BRINP3: variants seen among roughly 807,000 people sequenced by gnomAD.
The protein encoded by BRINP3 is BMP/retinoic acid inducible neural specific 3, also known as BMP/retinoic acid-inducible neural-specific protein 3.
BRINP3 carries 19 observed loss-of-function variants against 71.0 expected under a neutral mutation model. The ratio of observed to expected loss-of-function variants is 0.27; its 90% CI spans 0.19 to 0.39. The LOEUF (loss-of-function observed/expected upper bound fraction) is 0.39, where lower values mean the gene tolerates loss of function less well. Ranked by LOEUF, BRINP3 falls within the 10% of genes least tolerant of loss-of-function variation. The pLI, the probability that BRINP3 is intolerant of heterozygous loss-of-function variation, is 1.00. For missense variants in BRINP3, 959 were observed against 940.8 expected (o/e 1.02, Z -0.25); for synonymous variants, 380 against 337.7 (o/e 1.13, Z -1.37).
At chr1:190,380,308 A>C (rs2102242816) in intron 2 of BRINP3, among the ~76,000 whole-genome samples, 1 of 152,254 alleles carries the variant, frequency 6.6e-6, no homozygotes, top group South Asian at 2.1e-4. Flanking sequence ...AAAGTGCGGA[A>C]GTCACTGAGT....
intron 2 of BRINP3, among the ~76,000 whole-genome samples, chr1:190,322,628 A>G (rs1042556527): frequency 1.3e-5 from 2 of 152,040 alleles, no homozygotes; most frequent in Non-Finnish European, 2.9e-5. Flanking sequence ...CGAGGACCAG[A>G]AATGGTTTGA....
At chr1:190,263,816 G>A (rs1356522806) in intron 4 of BRINP3, among the ~76,000 whole-genome samples, 2 of 151,928 alleles carry the variant, frequency 1.3e-5, no homozygotes, top group Non-Finnish European at 2.9e-5. Flanking sequence ...TCGATCTCCC[G>A]ACCTCAAGTG....
chr1:190,185,031 A>G (rs1235983377), intron 6 of BRINP3, among the ~76,000 whole-genome samples: 1 of 152,178 alleles, frequency 6.6e-6, no homozygotes, highest in African/African-American at 2.4e-5. Context: ...GAACTTCATG[A>G]CATTTGCCTT....
chr1:190,362,685 T>C (rs1330037380), intron 2 of BRINP3, among the ~76,000 whole-genome samples: 4 of 152,298 alleles, frequency 2.6e-5, no homozygotes, highest in South Asian at 4.1e-4. Context: ...CATAGTGTTC[T>C]CACAGTAGTG....
chr1:190,433,589 C>G (rs965039624), intron 2 of BRINP3, among the ~76,000 whole-genome samples: 1 of 152,028 alleles, frequency 6.6e-6, no homozygotes, highest in African/African-American at 2.4e-5. Flanking sequence ...CTTTTTAGAC[C>G]CATTTCTATT....
intron 6 of BRINP3, among the ~76,000 whole-genome samples, chr1:190,224,009 A>C (rs1414645277): frequency 1.3e-5 from 2 of 151,906 alleles, no homozygotes; most frequent in African/African-American, 4.8e-5. Context: ...AAATAATGTA[A>C]AGATATTTCA....
At chr1:190,193,025 G>A (rs1461498445) in intron 6 of BRINP3, among the ~76,000 whole-genome samples, 1 of 152,058 alleles carries the variant, frequency 6.6e-6, no homozygotes, top group African/African-American at 2.4e-5. Flanking sequence ...TGCAATATTT[G>A]TACAGAAAGT....
chr1:190,135,232 G>A (rs1654874415), intron 7 of BRINP3, among the ~76,000 whole-genome samples: 1 of 151,996 alleles, frequency 6.6e-6, no homozygotes, highest in African/African-American at 2.4e-5. Context: ...AACTAGTAAT[G>A]CTGCCATGAT....
chr1:190,225,976 A>G (rs1217364570), intron 6 of BRINP3, 106 bp downstream of exon 6: 2 of 767,480 alleles, frequency 2.6e-6, no homozygotes, highest in African/African-American at 3.6e-5. Flanking sequence ...TAAAAAAATG[A>G]AAATCTTTCC....
chr1:190,351,857 T>C (rs1004625308), intron 2 of BRINP3, among the ~76,000 whole-genome samples: 1 of 152,082 alleles, frequency 6.6e-6, no homozygotes, highest in Non-Finnish European at 1.5e-5. Flanking sequence ...TAAGTAATTT[T>C]TTGTAAAAAA....
chr1:190,241,810 A>G (rs1357733215), intron 4 of BRINP3, among the ~76,000 whole-genome samples: 2 of 151,802 alleles, frequency 1.3e-5, no homozygotes, highest in Non-Finnish European at 2.9e-5. Context: ...ATCTTTTAAA[A>G]TTACATATTG....
At chr1:190,173,306 C>T (rs1168868285) in intron 6 of BRINP3, among the ~76,000 whole-genome samples, 3 of 152,028 alleles carry the variant, frequency 2.0e-5, no homozygotes, top group Non-Finnish European at 4.4e-5. Flanking sequence ...AGAATCTGTA[C>T]GTGGGGGAAG....
chr1:190,309,469 G>A lies in BRINP3; in HGVS notation c.237-27719C>T, dbSNP rs1375267183. Among the ~76,000 whole-genome samples, 4 of 151,736 alleles carry A rather than the reference G, an allele frequency of 2.6e-5. No individual in the cohort carries two copies. In the East Asian group the frequency reaches 7.7e-4, roughly 29 times the overall value. On this transcript the variant is annotated intron_variant, in intron 2 of 7. Coordinates refer to ENST00000367462, the MANE Select transcript of BRINP3 (RefSeq NM_199051.3). ...AATTTTATGATACGTCTATTTTACT[G>A]TAATTTTTTAAATTTAAAAACATGA...
At chr1:190,136,960 C>T (rs1655023668) in intron 7 of BRINP3, among the ~76,000 whole-genome samples, 1 of 151,780 alleles carries the variant, frequency 6.6e-6, no homozygotes, top group African/African-American at 2.4e-5. Context: ...TATTTAAAAG[C>T]TGGGGTATGG....
chr1:190,125,456 G>T (rs1654013801), intron 7 of BRINP3, among the ~76,000 whole-genome samples: 1 of 151,432 alleles, frequency 6.6e-6, no homozygotes, highest in African/African-American at 2.4e-5. Context: ...AGAATATGTT[G>T]TACATTTTAT....
chr1:190,382,848 C>A (rs986530190), intron 2 of BRINP3, among the ~76,000 whole-genome samples: 3 of 152,116 alleles, frequency 2.0e-5, no homozygotes, highest in African/African-American at 7.2e-5. Flanking sequence ...GAAGTTCAAG[C>A]CCTGTAAATG....
intron 1 of BRINP3, among the ~76,000 whole-genome samples, chr1:190,456,712 CTA>C (rs1676016427): frequency 1.3e-5 from 2 of 151,880 alleles, no homozygotes; most frequent in African/African-American, 2.4e-5. Context: ...GTTAAACACA[CTA>C]TTTTTATTTT....
intron 2 of BRINP3, among the ~76,000 whole-genome samples, chr1:190,453,857 T>C (rs2102625183): frequency 1.3e-5 from 2 of 152,276 alleles, no homozygotes; most frequent in South Asian, 4.1e-4. Flanking sequence ...TTATAAATGT[T>C]AAACCATTAA....
chr1:190,456,836 A>T (rs1676026991), intron 1 of BRINP3, among the ~76,000 whole-genome samples: 1 of 152,114 alleles, frequency 6.6e-6, no homozygotes, highest in African/African-American at 2.4e-5. Flanking sequence ...AAATTATTCA[A>T]ACCACTACTC....
Sources: allele counts gnomAD v4.1 joint callset (sites outside exome capture counted in the v4.1 genomes callset), GRCh38; gene constraint gnomAD v4.1.1; transcripts MANE v1.5; gene names NCBI Gene and HGNC (gene_info 2026-07-23, HGNC 2026-07-21).